MCF2L: variants seen among roughly 807,000 people sequenced by gnomAD.
MCF2L encodes MCF.2 cell line derived transforming sequence like, also known as guanine nucleotide exchange factor DBS.
A neutral mutation model predicts 153.4 loss-of-function variants in MCF2L; 97 were observed. That is an observed-to-expected ratio of 0.63 (90% CI 0.54 to 0.75). The LOEUF (loss-of-function observed/expected upper bound fraction) is 0.75. Among genes scored for constraint, MCF2L ranks in the 30% least tolerant of loss-of-function variants. MCF2L has a pLI of 0.00. For missense variants in MCF2L, 1,347 were observed against 1,495.2 expected, an observed-to-expected ratio of 0.90 and a Z score of 1.64; for synonymous variants, 659 against 632.2, an observed-to-expected ratio of 1.04 and a Z score of -0.64.
At chr13:112,916,483 G>A (rs1042468999) in intron 2 of MCF2L, among the ~76,000 whole-genome samples, 1 of 152,062 alleles carries the variant, frequency 6.6e-6, no homozygotes, top group African/African-American at 2.4e-5. Context: ...GCACGTCCGC[G>A]CTCTCGCGTG....
At chr13:113,088,529 C>T (rs770996358) in intron 24 of MCF2L, 33 bp from the exon 25 acceptor site, 10 of 1,611,300 alleles carry the variant, frequency 6.2e-6, no homozygotes, top group South Asian at 4.4e-5. Flanking sequence ...TAAAGACGCT[C>T]GTTCACGTGG....
At chr13:112,973,408 G>C (rs767240591) in intron 1 of MCF2L, among the ~76,000 whole-genome samples, 10 of 152,198 alleles carry the variant, frequency 6.6e-5, no homozygotes, top group Non-Finnish European at 1.3e-4. Context: ...AAAACAATTA[G>C]CTTTCATGGG....
chr13:113,050,154 G>A (rs1271439375), intron 4 of MCF2L, among the ~76,000 whole-genome samples: 2 of 151,740 alleles, frequency 1.3e-5, no homozygotes, highest in African/African-American at 4.9e-5. Context: ...GCATGTGTGA[G>A]TGTGTGAGTG....
intron 1 of MCF2L, among the ~76,000 whole-genome samples, chr13:112,975,404 G>A (rs1042529566): frequency 6.6e-5 from 10 of 152,230 alleles, no homozygotes; most frequent in Non-Finnish European, 1.3e-4. Flanking sequence ...CCCCAGCTCT[G>A]CCATCTGTGG....
At chr13:112,959,320 T>C (rs2081796407) in intron 2 of MCF2L, among the ~76,000 whole-genome samples, 2 of 152,158 alleles carry the variant, frequency 1.3e-5, no homozygotes, top group South Asian at 2.1e-4. Flanking sequence ...ATTTATATTA[T>C]ACATCCTGCC....
upstream of MCF2L, among the ~76,000 whole-genome samples, chr13:112,968,144 G>GT (rs1374233629): frequency 6.8e-6 from 1 of 146,206 alleles, no homozygotes; most frequent in Non-Finnish European, 1.5e-5. Context: ...GAGTGAGGTG[G>GT]GGGGGGGGGT....
At chr13:112,944,184 G>A (rs1199734870) in intron 2 of MCF2L, among the ~76,000 whole-genome samples, 1 of 149,490 alleles carries the variant, frequency 6.7e-6, no homozygotes, top group Non-Finnish European at 1.5e-5. Context: ...AGGCTCCTGG[G>A]CTGTGAGGGG....
In MCF2L at chr13:113,064,488, C is replaced by G; in HGVS notation, c.606+68C>G. 1 of 967,734 alleles carries G rather than the reference C, an allele frequency of 1.0e-6. No individual in the cohort carries two copies. The highest frequency in any genetic ancestry group is 1.8e-5 in the Admixed American group (1 of 55,862). 59.9% of individuals were successfully genotyped at this position (967,734 alleles called of 1,614,324 possible). ...GAGTACTTCCACAGAATCGCTCTTG[C>G]ATTACAACACGGCCCTTTCCAAAAA... On this transcript the variant is annotated intron_variant, in intron 6 of 29. Coordinates refer to ENST00000535094, the MANE Select transcript of MCF2L (RefSeq NM_001112732.3). This position sits in a 1 kb window ranked among gnomAD's most constrained non-coding sequence, Gnocchi z 6.0.
At chr13:112,979,530 C>A (rs941542808) in intron 1 of MCF2L, 5 of 1,495,938 alleles carry the variant, frequency 3.3e-6, no homozygotes, top group East Asian at 2.5e-5. Flanking sequence ...TGTGACCATG[C>A]GGCACCCGCC....
At chr13:112,978,501 G>A (rs1284684339) in intron 1 of MCF2L, among the ~76,000 whole-genome samples, 7 of 152,150 alleles carry the variant, frequency 4.6e-5, no homozygotes, top group Non-Finnish European at 1.0e-4. Context: ...TATTTGTGGA[G>A]GCTAATAGGA....
chr13:112,918,301 G>A (rs1381019159), intron 2 of MCF2L, among the ~76,000 whole-genome samples: 2 of 152,212 alleles, frequency 1.3e-5, no homozygotes, highest in African/African-American at 4.8e-5. Flanking sequence ...TGGGGATGGG[G>A]ATCACAGGAA....
chr13:113,045,451 C>A lies in MCF2L; in HGVS notation c.369+90C>A. The stretch of plus-strand genomic sequence containing the variant: ...CCCTTCCTCTGTGTCTGCCGCAGTT[C>A]CTGCTTTGTGCTGAGTGGGACAGAG... On this transcript the variant is annotated intron_variant, in intron 4 of 29. Transcript: ENST00000535094. The surrounding 1 kb of genome is among the most constrained non-coding windows in gnomAD (Gnocchi z 4.2). The A allele has an allele frequency of 8.6e-7, 1 of 1,169,382 alleles. No individual in the cohort carries two copies. The highest frequency in any genetic ancestry group is 1.3e-5 in the South Asian group (1 of 78,938). The allele number at this position is 1,169,382 out of a possible 1,614,324, so 72.4% of individuals were successfully genotyped here.
At position 113,074,056 on chromosome 13, in the gene MCF2L, C is replaced by T. The variant is rs893124237; in HGVS notation, c.997-388C>T. On this transcript the variant is annotated intron_variant, in intron 9 of 29. Coordinates refer to ENST00000535094, the MANE Select transcript of MCF2L (RefSeq NM_001112732.3). This position sits in a 1 kb window ranked among gnomAD's most constrained non-coding sequence, Gnocchi z 4.2. ...TTACATAACTCTCCACACCTAGGAT[C>T]CAGTAGGAATGCTGACAATTCCAGT... Among the ~76,000 whole-genome samples, 1 of 152,210 alleles carries T rather than the reference C, an allele frequency of 6.6e-6. No homozygotes were observed. Among genetic ancestry groups the T allele is most frequent in the Non-Finnish European group, 1.5e-5 (1 of 68,038 alleles).
chr13:113,001,703 G>C, intron 1 of MCF2L: 4 of 1,356,444 alleles, frequency 2.9e-6, no homozygotes, highest in Non-Finnish European at 3.8e-6. Context: ...AGCCGATGCT[G>C]CTCCTTAATC....
Position 113,085,198 on chromosome 13 carries a change from T to C in MCF2L, c.2247+20T>C, listed in dbSNP as rs200716309. 33 of 1,608,894 alleles carry C rather than the reference T, an allele frequency of 2.1e-5. No individual in the cohort carries two copies. In the Admixed American group the frequency reaches 4.0e-4, roughly 20 times the overall value. Reference sequence around the variant, plus strand: ...CTCAAGGTGGGCTCCGCGGTGACCGTGGCCCGGCCTCCCCAGCACCTGCTG... The same window carrying C: ...CTCAAGGTGGGCTCCGCGGTGACCGCGGCCCGGCCTCCCCAGCACCTGCTG... On this transcript the variant is annotated intron_variant, in intron 20 of 29. Coordinates refer to ENST00000535094, the MANE Select transcript of MCF2L (RefSeq NM_001112732.3).
Position 112,969,651 on chromosome 13 carries a change from T to G in MCF2L, c.79+193T>G. ...GTCGGCGATCGTATGCTGCCCGGGA[T>G]AGTCAAAATGACTGCACGTTGGTGA... On this transcript the variant is annotated intron_variant, in intron 1 of 29. Coordinates refer to ENST00000535094, the MANE Select transcript of MCF2L (RefSeq NM_001112732.3). The surrounding 1 kb of genome is among the most constrained non-coding windows in gnomAD (Gnocchi z 4.8). The G allele has an allele frequency of 6.0e-5, 29 of 483,486 alleles. No individual in the cohort carries two copies. Among genetic ancestry groups the G allele is most frequent in the Non-Finnish European group, 6.2e-5 (23 of 371,150 alleles). The allele number at this position is 483,486 out of a possible 1,614,324, so 29.9% of individuals were successfully genotyped here. A position where few individuals can be genotyped will look rare whatever the true frequency, so the allele number is the denominator to read the frequency against.
intron 12 of MCF2L, among the ~76,000 whole-genome samples, chr13:113,076,686 C>T (rs1310232234): frequency 6.6e-6 from 1 of 152,260 alleles, no homozygotes; most frequent in Non-Finnish European, 1.5e-5. Flanking sequence ...GTGGCCATCC[C>T]GCCTCCGCTG....
At position 113,074,959 on chromosome 13, in the gene MCF2L, A is replaced by G. The variant is rs1400535890; in HGVS notation, c.1117-39A>G. The G allele has an allele frequency of 2.6e-6, 4 of 1,552,216 alleles. No homozygotes were observed. In the Admixed American group the frequency reaches 7.2e-5, roughly 28 times the overall value. ...GCAAGGCACTGTGTGCCTCGAACAGAAAGAGGCCTGAGCTGGTCCTCTGGG... is the reference window on the plus strand; with the variant it reads ...GCAAGGCACTGTGTGCCTCGAACAGGAAGAGGCCTGAGCTGGTCCTCTGGG... On this transcript the variant is annotated intron_variant, in intron 10 of 29. Transcript: ENST00000535094. The surrounding 1 kb of genome is among the most constrained non-coding windows in gnomAD (Gnocchi z 4.2).
chr13:112,971,003 G>A (rs966469627), intron 1 of MCF2L, among the ~76,000 whole-genome samples: 6 of 152,150 alleles, frequency 3.9e-5, no homozygotes, highest in Non-Finnish European at 8.8e-5. Context: ...ACCCTGTAGC[G>A]TTTAGTTAGG....
Sources: gnomAD v4.1 joint callset for allele counts (sites outside exome capture counted in the v4.1 genomes callset) on GRCh38, gnomAD v4.1.1 for gene constraint, Gnocchi (gnomAD v3.1) non-coding constraint, MANE v1.5 for transcripts, NCBI Gene and HGNC (gene_info 2026-07-23, HGNC 2026-07-21) for gene names.